The following SRGAP2 variants were observed in gnomAD, a reference collection of about 807,000 sequenced individuals.
SRGAP2 encodes the protein SLIT-ROBO Rho GTPase-activating protein 2.
In SRGAP2, 15 loss-of-function variants were observed where a neutral mutation model predicts 57.2. The ratio of observed to expected loss-of-function variants is 0.26; its 90% confidence interval spans 0.18 to 0.40. The LOEUF (loss-of-function observed/expected upper bound fraction) is 0.40. SRGAP2 is among the 10% of genes least tolerant of loss of function. The pLI is 1.00. For synonymous variants in SRGAP2, 249 were observed against 248.0 expected (o/e 1.00, Z -0.04); for missense variants, 520 against 669.6 (o/e 0.78, Z 2.47).
chr1:206,347,278 A>G (rs1298005897), intron 4 of SRGAP2, among the ~76,000 whole-genome samples: 3 of 152,082 alleles, frequency 2.0e-5, no homozygotes, highest in South Asian at 4.1e-4. Flanking sequence ...CAACAAAAAA[A>G]CAAAAAACAA....
chr1:206,397,103 C>A (rs1657671321), intron 7 of SRGAP2, among the ~76,000 whole-genome samples: 2 of 151,472 alleles, frequency 1.3e-5, no homozygotes, highest in South Asian at 2.1e-4. Flanking sequence ...CCCAGCCAAT[C>A]CCCCACCCCA....
intron 2 of SRGAP2, among the ~76,000 whole-genome samples, chr1:206,237,650 C>T (rs1553308395): frequency 2.6e-5 from 4 of 152,000 alleles, no homozygotes; most frequent in Admixed American, 2.6e-4. Context: ...TCATATTTCA[C>T]TTGTTTGTAT....
chr1:206,453,151 G>A, intron 19 of SRGAP2, 49 bp from the exon 20 acceptor site: 1 of 456,160 alleles, frequency 2.2e-6, no homozygotes, highest in Non-Finnish European at 4.1e-6. Context: ...AGTTTCCTGA[G>A]TCTGCAGGTC....
intron 3 of SRGAP2, among the ~76,000 whole-genome samples, chr1:206,334,820 T>C (rs1674654421): frequency 6.7e-6 from 1 of 148,536 alleles, no homozygotes. Context: ...AGGTTTCATT[T>C]ATTTTAAAAA....
At chr1:206,383,752 A>G (rs1655927273) in intron 4 of SRGAP2, among the ~76,000 whole-genome samples, 1 of 147,260 alleles carries the variant, frequency 6.8e-6, no homozygotes, top group Non-Finnish European at 1.5e-5. Flanking sequence ...GGACCAATAG[A>G]AAAACCAAAG....
intron 18 of SRGAP2, among the ~76,000 whole-genome samples, chr1:206,446,807 GT>G (rs1553374021): frequency 6.6e-6 from 1 of 152,176 alleles, no homozygotes; most frequent in East Asian, 1.9e-4. Flanking sequence ...GGTAAGCCTT[GT>G]TTTTGGCAGG....
intron 4 of SRGAP2, among the ~76,000 whole-genome samples, chr1:206,373,071 C>T (rs1553343021): frequency 7.6e-6 from 1 of 131,062 alleles, no homozygotes; most frequent in Non-Finnish European, 1.6e-5. Flanking sequence ...TCTGCCCCCC[C>T]ACTTCTTTCT....
chr1:206,230,154 A>G (rs1307988858), intron 2 of SRGAP2, among the ~76,000 whole-genome samples: 9 of 152,136 alleles, frequency 5.9e-5, no homozygotes, highest in African/African-American at 2.2e-4. Flanking sequence ...AAGCCATTCA[A>G]TCAATCAAAA....
chr1:206,378,655 C>T (rs1470739698), intron 4 of SRGAP2, among the ~76,000 whole-genome samples: 1 of 151,788 alleles, frequency 6.6e-6, no homozygotes, highest in Non-Finnish European at 1.5e-5. Flanking sequence ...TCTGTAAAAA[C>T]GCACCAATCA....
intron 1 of SRGAP2, 27 bp downstream of exon 1, chr1:206,203,677 C>T (rs1665540263): frequency 3.9e-6 from 3 of 772,216 alleles, no homozygotes; most frequent in Non-Finnish European, 6.2e-6. Context: ...TCTTCCTTTT[C>T]TTCCTCCCGG....
intron 4 of SRGAP2, among the ~76,000 whole-genome samples, chr1:206,357,582 C>CTTTTTTTTT (rs781912077): frequency 5.1e-5 from 4 of 78,044 alleles, no homozygotes; most frequent in Non-Finnish European, 7.6e-5. Context: ...GCTATGTTGT[C>CTTTTTTTTT]TTTTTTTTTT....
chr1:206,272,930 A>G (rs1284553614), intron 2 of SRGAP2, among the ~76,000 whole-genome samples: 5 of 152,122 alleles, frequency 3.3e-5, no homozygotes, highest in Non-Finnish European at 7.3e-5. Context: ...TTAAAAAAAC[A>G]TTTAAAATAA....
intron 2 of SRGAP2, among the ~76,000 whole-genome samples, chr1:206,270,664 G>A (rs1174026335): frequency 3.5e-5 from 5 of 140,936 alleles, no homozygotes; most frequent in South Asian, 4.6e-4. Flanking sequence ...GTAGAAAGAA[G>A]GGGCAGATTG....
In SRGAP2 at chr1:206,436,628, C is replaced by A. The variant is rs552756428; in HGVS notation, c.1556-337C>A. Among the ~76,000 whole-genome samples the A allele has an allele frequency of 1.8e-4, 28 of 152,262 alleles. No homozygotes were observed. In the South Asian group the frequency reaches 1.9e-3, roughly 10 times the overall value. ...AGCTTCCTGAGTACATTTTTCTATT[C>A]TTGACCCTAGATGATTTAAAAAAGT... On this transcript the variant is annotated intron_variant, in intron 14 of 22. Coordinates refer to ENST00000573034, the MANE Select transcript of SRGAP2 (RefSeq NM_015326.5).
intron 3 of SRGAP2, among the ~76,000 whole-genome samples, chr1:206,306,250 CTG>C (rs1190892204): frequency 0.029 from 4,440 of 151,958 alleles, 73 homozygotes; most frequent in African/African-American, 0.036. Flanking sequence ...TGTCTGGAGT[CTG>C]TCCCTTCTGA....
chr1:206,429,800 G>T (rs1317134073), intron 13 of SRGAP2, among the ~76,000 whole-genome samples: 1 of 152,216 alleles, frequency 6.6e-6, no homozygotes, highest in Non-Finnish European at 1.5e-5. Context: ...TGAGGTATTG[G>T]TGGATTGAAC....
chr1:206,456,540 T>C (rs1230596198), intron 21 of SRGAP2, among the ~76,000 whole-genome samples: 1 of 152,232 alleles, frequency 6.6e-6, no homozygotes, highest in Admixed American at 6.5e-5. Context: ...GTACATATTT[T>C]TAAGCCATCA....
chr1:206,358,937 C>T (rs1676675197), intron 4 of SRGAP2, among the ~76,000 whole-genome samples: 1 of 150,436 alleles, frequency 6.6e-6, no homozygotes, highest in African/African-American at 2.4e-5. Flanking sequence ...ATTTAGATAG[C>T]AATGTAATGA....
chr1:206,455,273 C>T lies in SRGAP2; in HGVS notation c.2507+249C>T, dbSNP rs532087939. On this transcript the variant is annotated intron_variant, in intron 21 of 22. Transcript: ENST00000573034. ...GTGGAAGGGTGCTTTACTGTGTGTT[C>T]CCGCAGTGTCTGTCCACCCAGACCT... is the stretch of plus-strand genomic sequence containing the variant. 4.6e-5 allele frequency: 25 copies of T among 538,382 alleles called. 2 individuals carry two copies. The South Asian group carries it at 4.7e-4, about 10-fold the overall frequency. 33.4% of individuals were successfully genotyped at this position (538,382 alleles called of 1,614,324 possible).
Sources: gnomAD v4.1 joint callset for allele counts (sites outside exome capture counted in the v4.1 genomes callset) on GRCh38, gnomAD v4.1.1 for gene constraint, MANE v1.5 for transcripts, NCBI Gene and HGNC (gene_info 2026-07-23, HGNC 2026-07-21) for gene names.